Variants in OR56A3 observed in about 807,000 individuals in gnomAD.
OR56A3 encodes olfactory receptor 56A3.
OR56A3 carries 23 observed loss-of-function variants against 17.5 expected under a neutral mutation model. That is an observed-to-expected ratio of 1.32 (90% CI 0.95 to 1.87). The LOEUF (loss-of-function observed/expected upper bound fraction) is 1.87, where lower values mean the gene tolerates loss of function less well. Among genes scored for constraint, OR56A3 ranks in the 40% most tolerant of loss-of-function variants. The pLI is 0.00. For synonymous variants in OR56A3, 175 were observed against 150.6 expected (o/e 1.16, Z -1.19); for missense variants, 366 against 380.1 (o/e 0.96, Z 0.31).
At chr11:5,983,610 A>T in the OR56A3 span, among the ~76,000 whole-genome samples, 1 of 152,026 alleles carries the variant, frequency 6.6e-6, no homozygotes, top group South Asian at 2.1e-4. Flanking sequence ...CATTCTCTAC[A>T]CTTTATACTT....
chr11:6,003,032 A>G, the OR56A3 span: 87 of 1,613,998 alleles, frequency 5.4e-5, no homozygotes, highest in Non-Finnish European at 6.6e-5. Flanking sequence ...AGTGTACCTT[A>G]AAACGTAGTA....
At chr11:5,985,208 A>G in the OR56A3 span, among the ~76,000 whole-genome samples, 2 of 152,210 alleles carry the variant, frequency 1.3e-5, no homozygotes, top group Non-Finnish European at 2.9e-5. Flanking sequence ...GGGTTTTTTA[A>G]TGAATATTTA....
At chr11:6,014,968 G>A in the OR56A3 span, among the ~76,000 whole-genome samples, 1 of 99,180 alleles carries the variant, frequency 1.0e-5, no homozygotes, top group East Asian at 3.6e-4. Flanking sequence ...TCAAGATGCA[G>A]CCTATGCTCA....
chr11:5,947,472 C>A lies in OR56A3; in HGVS notation c.126C>A (p.Ala42=), dbSNP rs536650005. Residue 42 remains alanine, a synonymous_variant, in exon 3 of 3, where the codon GCC becomes GCA. Transcript: ENST00000641160. ...SLPLSLLFLL[A]VGANTTLLMT... ...CCCTCAGCCTCCTTTTCCTCTTGGC[C>A]GTAGGGGCCAACACCACCCTCCTGA... 1.9e-6 allele frequency: 3 copies of A among 1,614,008 alleles called. No individual in the cohort carries two copies. Among genetic ancestry groups the A allele is most frequent in the Non-Finnish European group, 1.7e-6 (2 of 1,179,906 alleles).
chr11:6,005,580 T>C, the OR56A3 span, among the ~76,000 whole-genome samples: 1 of 152,220 alleles, frequency 6.6e-6, no homozygotes, highest in African/African-American at 2.4e-5. Flanking sequence ...TAGACCACTT[T>C]AACCGCTAAA....
chr11:5,967,503 C>T, the OR56A3 span: 3 of 1,268,284 alleles, frequency 2.4e-6, no homozygotes, highest in South Asian at 4.6e-5. Context: ...AACAATTATT[C>T]TCCAATATCA....
chr11:5,986,357 T>C, the OR56A3 span: 14 of 1,614,000 alleles, frequency 8.7e-6, no homozygotes, highest in Middle Eastern at 3.3e-4. Context: ...GCATGGCCTA[T>C]GATGGTGGCT....
At chr11:5,953,163 T>C (rs940307626), downstream of OR56A3, among the ~76,000 whole-genome samples, 1 of 152,216 alleles carries the variant, frequency 6.6e-6, no homozygotes, top group Non-Finnish European at 1.5e-5. Flanking sequence ...TTGGGATAAA[T>C]ACCCAGTAAT....
downstream of OR56A3, among the ~76,000 whole-genome samples, chr11:5,952,959 C>G (rs1230383849): frequency 1.3e-5 from 2 of 152,202 alleles, no homozygotes; most frequent in African/African-American, 4.8e-5. Context: ...CCAGTTGCAT[C>G]CATCTTGCTG....
the OR56A3 span, chr11:5,994,892 C>A: frequency 1.3e-6 from 1 of 758,058 alleles, no homozygotes. Context: ...GGAGGCCAGG[C>A]AGTCATTCAG....
the OR56A3 span, chr11:5,986,160 G>C: frequency 6.2e-7 from 1 of 1,613,948 alleles, no homozygotes; most frequent in East Asian, 2.2e-5. Flanking sequence ...AGCCACATGT[G>C]CTAAACGCCT....
the OR56A3 span, among the ~76,000 whole-genome samples, chr11:5,972,364 G>T: frequency 2.0e-5 from 3 of 152,024 alleles, no homozygotes; most frequent in African/African-American, 7.2e-5. Flanking sequence ...TTTTCATGGG[G>T]ATTAATATAA....
chr11:5,945,815 A>G (rs1002357089), intron 2 of OR56A3, among the ~76,000 whole-genome samples: 1 of 152,192 alleles, frequency 6.6e-6, no homozygotes, highest in Non-Finnish European at 1.5e-5. Flanking sequence ...CACAGTTCCC[A>G]GCAAGTAGAA....
At position 5,949,958 on chromosome 11, in the gene OR56A3, TACTCAAAGAA is replaced by T. The variant is rs1305829389; in HGVS notation, c.*1665_*1674del. On this transcript the variant is annotated 3_prime_UTR_variant, in exon 3 of 3. Coordinates refer to ENST00000641160, the MANE Select transcript of OR56A3 (RefSeq NM_001003443.3). ...CGAGTAGATACACCTTTTTCTTTAT[TACTCAAAGAA>T]GAAGGACTCTCTAAAATCTCATTCT... 6.6e-6 allele frequency: 1 copy of T among 152,208 alleles called. No individual in the cohort carries two copies. Among genetic ancestry groups the T allele is most frequent in the African/African-American group, 2.4e-5 (1 of 41,460 alleles). 9.4% of individuals were successfully genotyped at this position (152,208 alleles called of 1,614,324 possible).
chr11:5,964,389 C>T, the OR56A3 span, among the ~76,000 whole-genome samples: 1 of 152,192 alleles, frequency 6.6e-6, no homozygotes, highest in Non-Finnish European at 1.5e-5. Flanking sequence ...CAACAATAAG[C>T]CTGTCCAGAG....
chr11:5,968,793 A>G, the OR56A3 span, among the ~76,000 whole-genome samples: 1 of 152,224 alleles, frequency 6.6e-6, no homozygotes, highest in Non-Finnish European at 1.5e-5. Context: ...AATACAAAAA[A>G]AATTCCAAAT....
chr11:5,975,075 T>C, the OR56A3 span, among the ~76,000 whole-genome samples: 19 of 152,340 alleles, frequency 1.2e-4, no homozygotes, highest in Non-Finnish European at 2.5e-4. Context: ...CTAATATGTA[T>C]TTTTTTCTCA....
chr11:5,963,418 A>G, the OR56A3 span, among the ~76,000 whole-genome samples: 2 of 151,570 alleles, frequency 1.3e-5, no homozygotes, highest in Admixed American at 6.6e-5. Context: ...TCTCTCCTTC[A>G]TTTTTGAAGG....
chr11:5,978,812 T>G, the OR56A3 span, among the ~76,000 whole-genome samples: 1 of 152,202 alleles, frequency 6.6e-6, no homozygotes, highest in Non-Finnish European at 1.5e-5. Flanking sequence ...AGGGGAGTGC[T>G]TCCAGCTTTT....
Sources: gnomAD v4.1 joint callset for allele counts (sites outside exome capture counted in the v4.1 genomes callset) on GRCh38, gnomAD v4.1.1 for gene constraint, MANE v1.5 for transcripts, NCBI Gene and HGNC (gene_info 2026-07-23, HGNC 2026-07-21) for gene names.